Variants in MECOM observed in about 807,000 individuals in gnomAD.
MECOM encodes histone-lysine N-methyltransferase MECOM.
In MECOM, 13 loss-of-function variants were observed where a neutral mutation model predicts 116.3. The observed-to-expected ratio is 0.11, with a 90% CI of 0.07 to 0.18. The LOEUF (loss-of-function observed/expected upper bound fraction) is 0.18, where lower values mean the gene tolerates loss of function less well. Ranked by LOEUF, MECOM falls within the 10% of genes least tolerant of loss-of-function variation. The pLI, the probability that MECOM is intolerant of heterozygous loss-of-function variation, is 1.00. For synonymous variants in MECOM, 528 were observed against 535.2 expected, an observed-to-expected ratio of 0.99 and a Z score of 0.19; for missense variants, 1,299 against 1,509.0, an observed-to-expected ratio of 0.86 and a Z score of 2.31.
At chr3:169,349,247 CT>C (rs548591573) in intron 2 of MECOM, among the ~76,000 whole-genome samples, 1 of 151,666 alleles carries the variant, frequency 6.6e-6, no homozygotes, top group African/African-American at 2.4e-5. Context: ...TGCTCTTTTT[CT>C]TTTTTTTAAA....
At chr3:169,508,424 CA>C (rs1185336706) in intron 1 of MECOM, among the ~76,000 whole-genome samples, 5 of 149,852 alleles carry the variant, frequency 3.3e-5, no homozygotes, top group Admixed American at 1.3e-4. Context: ...AAAAAAAAGA[CA>C]AAAGAGTTAT....
At chr3:169,189,812 G>A (rs202208889) in intron 2 of MECOM, among the ~76,000 whole-genome samples, 3 of 151,854 alleles carry the variant, frequency 2.0e-5, no homozygotes, top group South Asian at 2.1e-4. Flanking sequence ...ATTTATTTAC[G>A]AATAGGTTAA....
chr3:169,628,565 G>A (rs1291250304), intron 1 of MECOM, among the ~76,000 whole-genome samples: 1 of 152,168 alleles, frequency 6.6e-6, no homozygotes, highest in African/African-American at 2.4e-5. Context: ...AGCTCATGGT[G>A]TGGTGAGACA....
At chr3:169,109,622 G>C (rs954736655) in intron 9 of MECOM, among the ~76,000 whole-genome samples, 10 of 151,980 alleles carry the variant, frequency 6.6e-5, no homozygotes, top group South Asian at 6.2e-4. Context: ...CACTCTGTTG[G>C]TCAGGCTGCT....
intron 2 of MECOM, among the ~76,000 whole-genome samples, chr3:169,303,544 TG>T (rs1286553845): frequency 6.6e-6 from 1 of 151,744 alleles, no homozygotes; most frequent in Non-Finnish European, 1.5e-5. Context: ...TAACAGGGAG[TG>T]GTGAAATCCA....
chr3:169,296,753 A>T (rs1034559451), intron 2 of MECOM, among the ~76,000 whole-genome samples: 3 of 152,222 alleles, frequency 2.0e-5, no homozygotes, highest in African/African-American at 7.2e-5. Flanking sequence ...TTTGCCTGAG[A>T]TGAACCTGAG....
At position 169,185,663 on chromosome 3, in the gene MECOM, T is replaced by G. The variant is rs151287939; in HGVS notation, c.376-41831A>C. Among the ~76,000 whole-genome samples, 323 of 152,308 alleles carry G rather than the reference T, an allele frequency of 2.1e-3. 2 individuals carry two copies. Among genetic ancestry groups the G allele is most frequent in the African/African-American group, 7.3e-3 (304 of 41,562 alleles). ...ACAATAACCTCTTTCGCCTCTAAAC[T>G]CCAAGAAAAGTTCATAATCTGTACT... is the stretch of plus-strand genomic sequence containing the variant. On this transcript the variant is annotated intron_variant, in intron 2 of 16. Transcript: ENST00000651503.
intron 1 of MECOM, among the ~76,000 whole-genome samples, chr3:169,563,969 G>C (rs187963808): frequency 6.6e-6 from 1 of 152,188 alleles, no homozygotes; most frequent in Non-Finnish European, 1.5e-5. Context: ...CTGACCAAGA[G>C]CCCCATCTAA....
At chr3:169,415,502 C>A (rs1738408080) in intron 1 of MECOM, among the ~76,000 whole-genome samples, 1 of 151,890 alleles carries the variant, frequency 6.6e-6, no homozygotes, top group South Asian at 2.1e-4. Flanking sequence ...CAGCTAGCAT[C>A]ATGATAGGAT....
intron 1 of MECOM, among the ~76,000 whole-genome samples, chr3:169,609,763 T>C (rs1344806262): frequency 6.6e-6 from 1 of 152,194 alleles, no homozygotes; most frequent in Non-Finnish European, 1.5e-5. Flanking sequence ...TGTTCATTGT[T>C]TAGAATCCAG....
intron 2 of MECOM, among the ~76,000 whole-genome samples, chr3:169,304,232 T>G (rs943448066): frequency 6.6e-6 from 1 of 152,224 alleles, no homozygotes; most frequent in Non-Finnish European, 1.5e-5. Flanking sequence ...AATGTCAAAG[T>G]GAAGCTATTT....
chr3:169,599,883 C>A (rs1476007809), intron 1 of MECOM, among the ~76,000 whole-genome samples: 1 of 152,138 alleles, frequency 6.6e-6, no homozygotes, highest in Non-Finnish European at 1.5e-5. Context: ...ATGTAGGAAC[C>A]TGCCAGTTAA....
chr3:169,571,092 C>A (rs771359836), intron 1 of MECOM, among the ~76,000 whole-genome samples: 1 of 152,132 alleles, frequency 6.6e-6, no homozygotes, highest in Non-Finnish European at 1.5e-5. Context: ...TTAGAAAACC[C>A]CTTCATCTCA....
intron 2 of MECOM, among the ~76,000 whole-genome samples, chr3:169,179,634 A>G (rs189346269): frequency 1.1e-3 from 160 of 152,328 alleles, no homozygotes; most frequent in African/African-American, 3.8e-3. Context: ...AAAGTTTTTA[A>G]AAGGACAGAA....
intron 1 of MECOM, among the ~76,000 whole-genome samples, chr3:169,484,234 A>G (rs1054299119): frequency 1.3e-5 from 2 of 152,198 alleles, no homozygotes; most frequent in Admixed American, 6.5e-5. Flanking sequence ...TAACAGAAAG[A>G]AAGGATGAAG....
intron 2 of MECOM, among the ~76,000 whole-genome samples, chr3:169,342,011 A>G (rs1375716384): frequency 6.6e-6 from 1 of 152,076 alleles, no homozygotes; most frequent in African/African-American, 2.4e-5. Flanking sequence ...TGATTTTTTA[A>G]TAAGTTCTCA....
Position 169,089,073 on chromosome 3 carries a change from T to G in MECOM, c.3512A>C (p.Glu1171Ala). Reference protein sequence around the residue: ...KMEDNQYSEAELSSFSTSHVP... With the variant: ...KMEDNQYSEAALSSFSTSHVP... ...ATGGGAAGTACTAAAAGAAGACAGC[T>G]CAGCTTCAGAATATTGATTATCTTC... is the stretch of plus-strand genomic sequence containing the variant. Residue 1171 changes from glutamate (E) to alanine (A), a missense_variant, in exon 16 of 17, where the codon GAG becomes GCG. Around this residue, in one of 6 missense-constraint regions of MECOM, gnomAD observed 273 missense variants for 289.3 expected, o/e 0.94. Transcript: ENST00000651503. 1 of 1,610,924 alleles carries G rather than the reference T, an allele frequency of 6.2e-7. No individual in the cohort carries two copies. The highest frequency in any genetic ancestry group is 2.2e-5 in the East Asian group (1 of 44,658).
chr3:169,283,669 G>A (rs1439905466), intron 2 of MECOM, among the ~76,000 whole-genome samples: 1 of 152,042 alleles, frequency 6.6e-6, no homozygotes, highest in Non-Finnish European at 1.5e-5. Flanking sequence ...TTTACTCTAA[G>A]TAGTGAAATT....
At chr3:169,175,462 T>C (rs991967777) in intron 2 of MECOM, among the ~76,000 whole-genome samples, 4 of 152,148 alleles carry the variant, frequency 2.6e-5, no homozygotes, top group African/African-American at 4.8e-5. Flanking sequence ...GTGCATAAGG[T>C]ATATATAAAA....
Sources: allele counts gnomAD v4.1 joint callset (sites outside exome capture counted in the v4.1 genomes callset), GRCh38; gene constraint gnomAD v4.1.1; regional missense constraint gnomAD v4.1.1; transcripts MANE v1.5; gene names NCBI Gene and HGNC (gene_info 2026-07-23, HGNC 2026-07-21).